CCNE1: variants seen among roughly 807,000 people sequenced by gnomAD.
The protein encoded by CCNE1 is G1/S-specific cyclin-E1.
Under a neutral mutation model 54.1 loss-of-function variants are expected in CCNE1, and 8 were observed. That is an observed-to-expected ratio of 0.15 (90% CI 0.09 to 0.27). The LOEUF (loss-of-function observed/expected upper bound fraction) is 0.27, where lower values mean the gene tolerates loss of function less well. Ranked by LOEUF, CCNE1 falls within the 10% of genes least tolerant of loss-of-function variation. CCNE1 has a pLI of 1.00. For synonymous variants in CCNE1, 179 were observed against 185.2 expected, an observed-to-expected ratio of 0.97 and a Z score of 0.27; for missense variants, 430 against 514.9, an observed-to-expected ratio of 0.84 and a Z score of 1.60.
rs1298185322 is a variant in CCNE1 at position 29,813,035 on chromosome 19, C to A, written c.178C>A (p.Gln60Lys). The part of the protein sequence containing the change: ...DRTARDQCGS[Q>K]PWDNNAVCAD... Reference sequence around the variant, plus strand: ...GACGGCGAGGGACCAGTGTGGGAGCCAGGTAGGTCCGCCCGGGGTTGGGCC... The same window carrying A: ...GACGGCGAGGGACCAGTGTGGGAGCAAGGTAGGTCCGCCCGGGGTTGGGCC... The change falls in exon 4 of 12, where the codon CAG (glutamine) becomes AAG (lysine). Residue 60 changes from glutamine to lysine, a missense_variant and splice_region_variant. By Grantham distance (53) the Gln-to-Lys change is moderately conservative. This residue lies in a region of CCNE1 where 127 missense variants were observed against 113.8 expected (regional missense o/e 1.12). Coordinates refer to ENST00000262643, the MANE Select transcript of CCNE1 (RefSeq NM_001238.4). 1 of 1,614,094 alleles carries A rather than the reference C, an allele frequency of 6.2e-7. No individual in the cohort carries two copies. Among genetic ancestry groups the A allele is most frequent in the Non-Finnish European group, 8.5e-7 (1 of 1,179,986 alleles).
rs186048652 is a variant in CCNE1 at position 29,819,336 on chromosome 19, G to A, written c.463-1366G>A. On this transcript the variant is annotated intron_variant, in intron 6 of 11. Transcript: ENST00000262643. The stretch of plus-strand genomic sequence containing the variant: ...GTTGCTCTGTCACCCAAGCTGGAGT[G>A]TAGTGGTGCAGTCACGGCTCACTGC... 6.2e-4 allele frequency among the ~76,000 whole-genome samples: 94 copies of A among 151,804 alleles called. 2 individuals are homozygous for A. The East Asian group carries it at 0.016, about 26-fold the overall frequency.
intron 4 of CCNE1, 200 bp downstream of exon 4, chr19:29,813,237 G>C: frequency 1.7e-6 from 1 of 592,610 alleles, no homozygotes; most frequent in African/African-American, 1.9e-5. Context: ...GAAGCTTGGT[G>C]TTCCTGACTG....
intron 6 of CCNE1, 93 bp from the exon 7 acceptor site, chr19:29,820,609 A>G: frequency 1.1e-6 from 1 of 908,276 alleles, no homozygotes; most frequent in Non-Finnish European, 1.7e-6. Flanking sequence ...TGCATTTTAT[A>G]TTTTCCTTCA....
intron 4 of CCNE1, among the ~76,000 whole-genome samples, chr19:29,814,441 G>A (rs1973964314): frequency 6.6e-6 from 1 of 152,148 alleles, no homozygotes; most frequent in Non-Finnish European, 1.5e-5. Context: ...TCTGTCCCCT[G>A]GCCACAGTGT....
chr19:29,812,883 A>G lies in CCNE1; in HGVS notation c.112-86A>G, dbSNP rs1973927890. The G allele has an allele frequency of 3.1e-6, 5 of 1,596,210 alleles. No homozygotes were observed. In the Admixed American group the frequency reaches 6.7e-5, roughly 21 times the overall value. On this transcript the variant is annotated intron_variant, in intron 3 of 11. Coordinates refer to ENST00000262643, the MANE Select transcript of CCNE1 (RefSeq NM_001238.4). ...GGTCCCTTGGGCAGGAACGGAGCTC[A>G]TAACCTGATCAGCTTTCTCTTCTTC... is the stretch of plus-strand genomic sequence containing the variant.
chr19:29,813,755 T>C (rs1973947340), intron 4 of CCNE1, among the ~76,000 whole-genome samples: 1 of 152,192 alleles, frequency 6.6e-6, no homozygotes, highest in Non-Finnish European at 1.5e-5. Context: ...TGATAATCAT[T>C]ATAATATCAG....
intron 4 of CCNE1, among the ~76,000 whole-genome samples, chr19:29,815,613 T>C (rs1973995072): frequency 6.9e-6 from 1 of 144,594 alleles, no homozygotes; most frequent in South Asian, 2.2e-4. Flanking sequence ...TCAATGTTAA[T>C]GGTCTCTGCT....
In CCNE1 at chr19:29,820,682, C is replaced by A; in HGVS notation, c.463-20C>A. Reference sequence around the variant, plus strand: ...CAAGTAAAACTTACTTGTGCTAAAACTTACTAAATATGTTTTCAGGTGTGT... The same window carrying A: ...CAAGTAAAACTTACTTGTGCTAAAAATTACTAAATATGTTTTCAGGTGTGT... On this transcript the variant is annotated intron_variant, in intron 6 of 11. Transcript: ENST00000262643. 1 of 1,570,612 alleles carries A rather than the reference C, an allele frequency of 6.4e-7. No homozygotes were observed. Among genetic ancestry groups the A allele is most frequent in the Non-Finnish European group, 8.7e-7 (1 of 1,151,610 alleles).
At chr19:29,814,444 C>T (rs1371164223) in intron 4 of CCNE1, among the ~76,000 whole-genome samples, 1 of 152,148 alleles carries the variant, frequency 6.6e-6, no homozygotes, top group African/African-American at 2.4e-5. Flanking sequence ...GTCCCCTGGC[C>T]ACAGTGTGGA....
chr19:29,816,416 A>G (rs1279374428), intron 4 of CCNE1, among the ~76,000 whole-genome samples: 1 of 152,226 alleles, frequency 6.6e-6, no homozygotes, highest in African/African-American at 2.4e-5. Context: ...TCCTTATTTT[A>G]TCAGGTATTT....
At position 29,820,809 on chromosome 19, in the gene CCNE1, T is replaced by G; in HGVS notation, c.570T>G (p.Leu190=). 6.2e-7 allele frequency: 1 copy of G among 1,603,692 alleles called. No individual in the cohort carries two copies. Among genetic ancestry groups the G allele is most frequent in the South Asian group, 1.1e-5 (1 of 89,630 alleles). Residue 190 remains leucine, a synonymous_variant, in exon 7 of 12, where the codon CTT becomes CTG. Transcript: ENST00000262643. ...ATGTTGTAAAAACTCTTTTACAGCT[T>G]ATTGGGATTTCATCTTTATTTATTG... ...QENVVKTLLQ[L]IGISSLFIAA... is the part of the protein sequence containing the mutation.
At chr19:29,821,374 GA>G (rs1288667592) in intron 7 of CCNE1, among the ~76,000 whole-genome samples, 2 of 152,056 alleles carry the variant, frequency 1.3e-5, no homozygotes, top group Non-Finnish European at 2.9e-5. Flanking sequence ...GCAACAGAGG[GA>G]AATTCTGTCT....
intron 11 of CCNE1, among the ~76,000 whole-genome samples, chr19:29,823,413 G>A (rs758539840): frequency 6.6e-6 from 1 of 152,066 alleles, no homozygotes; most frequent in Admixed American, 6.6e-5. Flanking sequence ...ACATGGTGGC[G>A]GGTGCCTATA....
At chr19:29,812,854 C>T (rs1248719418) in intron 3 of CCNE1, 78 bp downstream of exon 3, 17 of 1,581,126 alleles carry the variant, frequency 1.1e-5, no homozygotes, top group Middle Eastern at 1.7e-4. Context: ...CCTACGGGGG[C>T]GGGGGTCCCT....
chr19:29,817,366 C>T (rs2145722155), intron 5 of CCNE1, 40 bp from the exon 6 acceptor site: 1 of 1,613,616 alleles, frequency 6.2e-7, no homozygotes, highest in Non-Finnish European at 8.5e-7. Context: ...GCATTCTTAC[C>T]CCTTTGTGGG....
Position 29,815,638 on chromosome 19 carries a change from TTTG to T in CCNE1, c.181-1498_181-1496del, listed in dbSNP as rs1230584790. Among the ~76,000 whole-genome samples the T allele has an allele frequency of 4.6e-3, 671 of 146,894 alleles. 6 individuals are homozygous for T. Among genetic ancestry groups the T allele is most frequent in the African/African-American group, 0.016 (632 of 38,648 alleles). Reference sequence around the variant, plus strand: ...TGGTCTCTGCTTTTTTTTTTTTTTTTTTGGGGGGGGGACAGAGTCTTGCTCCGT... The same window carrying T: ...TGGTCTCTGCTTTTTTTTTTTTTTTTGGGGGGGGACAGAGTCTTGCTCCGT... On this transcript the variant is annotated intron_variant, in intron 4 of 11. Transcript: ENST00000262643.
chr19:29,815,645 G>C (rs12609867), intron 4 of CCNE1, among the ~76,000 whole-genome samples: 3 of 141,436 alleles, frequency 2.1e-5, no homozygotes, highest in East Asian at 2.1e-4. Context: ...TTTTTTGGGG[G>C]GGGGACAGAG....
intron 4 of CCNE1, among the ~76,000 whole-genome samples, chr19:29,813,720 C>T (rs987891983): frequency 6.6e-6 from 1 of 152,018 alleles, no homozygotes; most frequent in Non-Finnish European, 1.5e-5. Context: ...TTAAGGAGTT[C>T]CTGCCAAATT....
Position 29,823,910 on chromosome 19 carries a change from TC to T in CCNE1, c.*134del. On this transcript the variant is annotated 3_prime_UTR_variant, in exon 12 of 12. Transcript: ENST00000262643. ...GTGTTTCTTCCACAACAGAAGTATT[TC>T]TGTGGATGGCATCAAACAGGGCAAA... 1 of 1,037,036 alleles carries T rather than the reference TC, an allele frequency of 9.6e-7. No homozygotes were observed. Among genetic ancestry groups the T allele is most frequent in the Non-Finnish European group, 1.4e-6 (1 of 736,762 alleles). 64.2% of individuals were successfully genotyped at this position (1,037,036 alleles called of 1,614,324 possible). A position where few individuals can be genotyped will look rare whatever the true frequency, so the allele number is the denominator to read the frequency against.
Sources: gnomAD v4.1 joint callset for allele counts (sites outside exome capture counted in the v4.1 genomes callset) on GRCh38, gnomAD v4.1.1 for gene constraint, gnomAD v4.1.1 regional missense constraint, MANE v1.5 for transcripts, NCBI Gene and HGNC (gene_info 2026-07-23, HGNC 2026-07-21) for gene names.